BEST3: variants seen among roughly 807,000 people sequenced by gnomAD.
BEST3 encodes bestrophin 3, also known as bestrophin-3.
In BEST3, 50 loss-of-function variants were observed where a neutral mutation model predicts 47.1. The ratio of observed to expected loss-of-function variants is 1.06; its 90% CI spans 0.85 to 1.34. The LOEUF (loss-of-function observed/expected upper bound fraction) is 1.34. Ranked by LOEUF, BEST3 falls within the 40% of genes most tolerant of loss-of-function variation. The pLI is 0.00. For synonymous variants in BEST3, 282 were observed against 298.8 expected (o/e 0.94, Z 0.58); for missense variants, 765 against 817.0 (o/e 0.94, Z 0.78).
chr12:69,664,337 C>G (rs1884051710), intron 9 of BEST3, among the ~76,000 whole-genome samples: 2 of 152,164 alleles, frequency 1.3e-5, no homozygotes, highest in South Asian at 4.1e-4. Flanking sequence ...AACATTGGTT[C>G]CTGCTTTCCT....
intron 9 of BEST3, among the ~76,000 whole-genome samples, chr12:69,656,384 T>TGTCC (rs3050222): frequency 6.6e-6 from 1 of 151,398 alleles, no homozygotes; most frequent in Non-Finnish European, 1.5e-5. Context: ...TCTGTCTGTC[T>TGTCC]ATCTATCTAT....
chr12:69,674,337 G>A (rs532909221), intron 7 of BEST3, among the ~76,000 whole-genome samples: 1 of 152,112 alleles, frequency 6.6e-6, no homozygotes, highest in African/African-American at 2.4e-5. Flanking sequence ...AAAAAAACCC[G>A]ATTGATGCCT....
At chr12:69,665,768 T>C (rs1327846286) in intron 9 of BEST3, among the ~76,000 whole-genome samples, 2 of 152,232 alleles carry the variant, frequency 1.3e-5, no homozygotes, top group Non-Finnish European at 2.9e-5. Context: ...ACCCCATCAA[T>C]TCAGACTTCT....
intron 4 of BEST3, among the ~76,000 whole-genome samples, chr12:69,692,802 G>A (rs540478757): frequency 1.4e-4 from 21 of 152,210 alleles, no homozygotes; most frequent in Admixed American, 3.3e-4. Flanking sequence ...GGACCTTGTC[G>A]CCCAGGGTGG....
chr12:69,649,485 C>T (rs1565816906), downstream of BEST3, among the ~76,000 whole-genome samples: 2 of 152,246 alleles, frequency 1.3e-5, no homozygotes, highest in Non-Finnish European at 2.9e-5. Flanking sequence ...AATTACTTCA[C>T]AGCTTGTACA....
At chr12:69,645,240 TGATGAGTAAGGTTTTG>T (rs1375009539) in intron 9 of BEST3, among the ~76,000 whole-genome samples, 1 of 152,228 alleles carries the variant, frequency 6.6e-6, no homozygotes, top group East Asian at 1.9e-4. Context: ...AAGGGCAGAC[TGATGAGTAAGGTTTTG>T]GAAGGGCTAA....
chr12:69,651,048 G>A (rs935176688), downstream of BEST3, among the ~76,000 whole-genome samples: 3 of 152,142 alleles, frequency 2.0e-5, no homozygotes, highest in African/African-American at 7.2e-5. Context: ...GGAGTTCAAG[G>A]CCAGCCTGGG....
chr12:69,678,787 C>G lies in BEST3; in HGVS notation c.588G>C (p.Arg196=). 6.2e-7 allele frequency: 1 copy of G among 1,614,086 alleles called. No individual in the cohort carries two copies. Among genetic ancestry groups the G allele is most frequent in the East Asian group, 2.2e-5 (1 of 44,870 alleles). Residue 196 remains arginine, a synonymous_variant, in exon 5 of 10, where the codon CGG becomes CGC. Coordinates refer to ENST00000330891, the MANE Select transcript of BEST3 (RefSeq NM_032735.3). ...CACTGTCTCTGATTCTACCTTCATT[C>G]CGGGCTTTAGTTGCAAGATTTCCAA... ...IWFGNLATKA[R]NEGRIRDSVD...
At chr12:69,686,771 C>CAAAAAAAAAAAAAAA (rs1555208491) in intron 4 of BEST3, among the ~76,000 whole-genome samples, 2 of 49,900 alleles carry the variant, frequency 4.0e-5, no homozygotes, top group African/African-American at 2.2e-4. Context: ...GATTCTGCCT[C>CAAAAAAAAAAAAAAA]AAAAAAACAA....
intron 3 of BEST3, 40 bp from the exon 4 acceptor site, chr12:69,693,947 C>T: frequency 1.4e-6 from 2 of 1,466,406 alleles, no homozygotes; most frequent in Non-Finnish European, 1.9e-6. Context: ...TTTCTTACAG[C>T]AGACACGTTG....
downstream of BEST3, among the ~76,000 whole-genome samples, chr12:69,651,250 G>A (rs1262096539): frequency 6.6e-6 from 1 of 152,212 alleles, no homozygotes; most frequent in African/African-American, 2.4e-5. Context: ...ATACAGTGCT[G>A]CTGCATTCCC....
At chr12:69,691,707 G>A (rs775424) in intron 4 of BEST3, among the ~76,000 whole-genome samples, 1 of 151,986 alleles carries the variant, frequency 6.6e-6, no homozygotes, top group South Asian at 2.1e-4. Flanking sequence ...CAGGGGAATC[G>A]CTTGAACCCA....
downstream of BEST3, among the ~76,000 whole-genome samples, chr12:69,649,319 G>A (rs1440112059): frequency 1.3e-5 from 2 of 152,202 alleles, no homozygotes; most frequent in African/African-American, 2.4e-5. Flanking sequence ...TTTATATAAA[G>A]TATAATCTAA....
chr12:69,666,475 G>C (rs932707470), intron 9 of BEST3, among the ~76,000 whole-genome samples: 5 of 152,094 alleles, frequency 3.3e-5, no homozygotes, highest in African/African-American at 1.2e-4. Context: ...AAAACCTATG[G>C]CATGCTTTTC....
At chr12:69,656,184 C>G (rs1883481465) in intron 9 of BEST3, among the ~76,000 whole-genome samples, 2 of 152,142 alleles carry the variant, frequency 1.3e-5, no homozygotes, top group Admixed American at 1.3e-4. Flanking sequence ...CCACTGGACA[C>G]TCTTGACAGA....
chr12:69,651,582 G>A (rs939149723), downstream of BEST3, among the ~76,000 whole-genome samples: 6 of 152,036 alleles, frequency 3.9e-5, no homozygotes, highest in Non-Finnish European at 5.9e-5. Flanking sequence ...AGACCAGCCT[G>A]GCCAACATGG....
intron 9 of BEST3, among the ~76,000 whole-genome samples, chr12:69,644,532 GAATA>G (rs1882972022): frequency 6.6e-6 from 1 of 152,146 alleles, no homozygotes; most frequent in Non-Finnish European, 1.5e-5. Context: ...TATTTTATGA[GAATA>G]AGTAACTCTA....
At chr12:69,674,502 G>A (rs1884780692) in intron 7 of BEST3, among the ~76,000 whole-genome samples, 1 of 152,142 alleles carries the variant, frequency 6.6e-6, no homozygotes, top group Admixed American at 6.5e-5. Flanking sequence ...GCCTCACAGT[G>A]ATATCTATGT....
chr12:69,645,485 G>A (rs902263998), intron 9 of BEST3, among the ~76,000 whole-genome samples: 7 of 152,172 alleles, frequency 4.6e-5, no homozygotes, highest in Admixed American at 2.6e-4. Context: ...AGGGTAAGTC[G>A]GCAGAGGTGG....
Sources: allele counts gnomAD v4.1 joint callset (sites outside exome capture counted in the v4.1 genomes callset), GRCh38; gene constraint gnomAD v4.1.1; transcripts MANE v1.5; gene names NCBI Gene and HGNC (gene_info 2026-07-23, HGNC 2026-07-21).